FANCA: variants seen among roughly 807,000 people sequenced by gnomAD.
FANCA encodes FA complementation group A.
In FANCA, 236 loss-of-function variants were observed where a neutral mutation model predicts 194.3. The observed-to-expected ratio is 1.21, with a 90% CI of 1.09 to 1.35. FANCA has a LOEUF of 1.35. Among genes scored for constraint, FANCA ranks in the 40% most tolerant of loss-of-function variants. The pLI is 0.00. For missense variants in FANCA, 2,628 were observed against 1,813.9 expected, an observed-to-expected ratio of 1.45 and a Z score of -8.15; for synonymous variants, 1,014 against 715.8, an observed-to-expected ratio of 1.42 and a Z score of -6.65.
At chr16:89,805,463 A>G (rs1354093239) in intron 6 of FANCA, 71 bp from the exon 7 acceptor site, 13 of 1,276,062 alleles carry the variant, frequency 1.0e-5, no homozygotes, top group Non-Finnish European at 1.4e-5. Context: ...GTTGAGCCAT[A>G]TGTCCCAATT....
At chr16:89,800,371 A>AAC (rs1332905627) in intron 8 of FANCA, among the ~76,000 whole-genome samples, 2 of 152,232 alleles carry the variant, frequency 1.3e-5, no homozygotes, top group Non-Finnish European at 2.9e-5. Flanking sequence ...AACTCATGGT[A>AAC]ACAATAAAAC....
chr16:89,765,049 G>GA lies in FANCA; in HGVS notation c.2618dup (p.Arg874GlnfsTer12). 6.2e-7 allele frequency: 1 copy of GA among 1,614,138 alleles called. No homozygotes were observed. The highest frequency in any genetic ancestry group is 8.5e-7 in the Non-Finnish European group (1 of 1,180,010). ...GCTGTCGGGCCTCTGAGAACAATCT[G>GA]AACATGAGGAACTGAAACTGAAACA... On this transcript the variant is annotated frameshift_variant, in exon 28 of 43. Coordinates refer to ENST00000389301, the MANE Select transcript of FANCA (RefSeq NM_000135.4). LOFTEE classifies it high-confidence loss of function.
chr16:89,787,362 A>T (rs1329859307), intron 14 of FANCA, among the ~76,000 whole-genome samples: 1 of 152,132 alleles, frequency 6.6e-6, no homozygotes. Flanking sequence ...TCTCTACTAA[A>T]AATACAAAAA....
At position 89,759,436 on chromosome 16, in the gene FANCA, G is replaced by C. The variant is rs890054809; in HGVS notation, c.2853-731C>G. Among the ~76,000 whole-genome samples the C allele has an allele frequency of 4.6e-5, 7 of 151,352 alleles. No individual in the cohort carries two copies. The Admixed American group carries it at 4.6e-4, about 10-fold the overall frequency. On this transcript the variant is annotated intron_variant, in intron 29 of 42. Coordinates refer to ENST00000389301, the MANE Select transcript of FANCA (RefSeq NM_000135.4). ...TGAAGCAACCTGCATCCAGACTGTG[G>C]ACTCTGTGGATACGGATGGGAAGGG...
intron 22 of FANCA, 92 bp downstream of exon 22, chr16:89,773,179 C>G: frequency 1.0e-6 from 1 of 991,366 alleles, no homozygotes; most frequent in South Asian, 1.4e-5. Context: ...ACACACCAGC[C>G]TGATGTCACT....
chr16:89,738,303 G>T lies in FANCA; in HGVS notation c.*298C>A. 3.3e-6 allele frequency: 5 copies of T among 1,534,336 alleles called. No individual in the cohort carries two copies. The highest frequency in any genetic ancestry group is 4.4e-6 in the Non-Finnish European group (5 of 1,141,376). ...CCTGGACTCCGCAGTGGCTGTGTCA[G>T]CCTCACCCTTCGTGTGCACCCGCAT... On this transcript the variant is annotated 3_prime_UTR_variant, in exon 43 of 43. Transcript: ENST00000389301.
At chr16:89,812,489 A>G (rs551247825) in intron 3 of FANCA, among the ~76,000 whole-genome samples, 2 of 151,358 alleles carry the variant, frequency 1.3e-5, no homozygotes, top group East Asian at 2.0e-4. Flanking sequence ...TCTACTAAAA[A>G]TACAAAATTA....
chr16:89,742,699 T>C, intron 37 of FANCA, 101 bp downstream of exon 37: 1 of 1,290,250 alleles, frequency 7.8e-7, no homozygotes, highest in Non-Finnish European at 1.1e-6. Context: ...GCCACATATT[T>C]GTCTTTAGAA....
intron 6 of FANCA, 99 bp downstream of exon 6, chr16:89,808,195 A>T: frequency 8.9e-7 from 1 of 1,127,678 alleles, no homozygotes; most frequent in South Asian, 1.2e-5. Context: ...TATATGTCAA[A>T]GCCAGAAATC....
rs773687142 is a variant in FANCA, at chr16:89,792,484, G to C, written c.1070C>G (p.Ser357Ter). The C allele has an allele frequency of 6.2e-7, 1 of 1,613,332 alleles. No homozygotes were observed. Among genetic ancestry groups the C allele is most frequent in the Non-Finnish European group, 8.5e-7 (1 of 1,179,906 alleles). ...SFARTHPLLTSLYRRLFVMLS... is the reference protein window; with the variant it reads ...SFARTHPLLT The stretch of plus-strand genomic sequence containing the variant: ...ACATCCACTCACCCTGCGGTACAGT[G>C]AGGTGAGCAGAGGGTGTGTCCGCGC... Residue 357 changes from serine to a stop codon, truncating the protein, a stop_gained, in exon 12 of 43, where the codon TCA (serine) becomes TGA (stop). Transcript: ENST00000389301. LOFTEE classifies it high-confidence loss of function.
intron 31 of FANCA, among the ~76,000 whole-genome samples, chr16:89,751,393 G>A (rs1407786277): frequency 6.6e-6 from 1 of 152,142 alleles, no homozygotes; most frequent in Non-Finnish European, 1.5e-5. Context: ...GATTGCTTGA[G>A]CCCAGGAAGT....
chr16:89,792,120 C>A (rs550582303), intron 12 of FANCA, 52 bp from the exon 13 acceptor site: 1 of 1,609,924 alleles, frequency 6.2e-7, no homozygotes, highest in Non-Finnish European at 8.5e-7. Flanking sequence ...CAATGTGCGA[C>A]AGATGACCCC....
In FANCA at chr16:89,761,950, G is replaced by A. The variant is rs755546887; in HGVS notation, c.2851C>T (p.Arg951Trp). The part of the protein sequence containing the change: ...PEADALSDTE[R>W]QDFHQWAIHE... ...AGGGTAGCTCTTTTCAACACTTACC[G>A]TTCAGTATCTGAAAGAGCATCAGCT... is the stretch of plus-strand genomic sequence containing the variant. Residue 951 changes from arginine to tryptophan, a missense_variant and splice_region_variant, in exon 29 of 43, where the codon CGG (arginine) becomes TGG (tryptophan). Transcript: ENST00000389301. The A allele has an allele frequency of 8.7e-6, 14 of 1,613,260 alleles. No homozygotes were observed. The highest frequency in any genetic ancestry group is 5.0e-5 in the Admixed American group (3 of 59,998).
Position 89,805,904 on chromosome 16 carries a change from T to C in FANCA, c.597-512A>G, listed in dbSNP as rs144672107. ...CTTCTAAATTTATTCCTCTTTGTTT[T>C]ATGGCCTGAACCTTTTTTTTTTCTC... is the stretch of plus-strand genomic sequence containing the variant. On this transcript the variant is annotated intron_variant, in intron 6 of 42. Coordinates refer to ENST00000389301, the MANE Select transcript of FANCA (RefSeq NM_000135.4). 1.6e-4 allele frequency among the ~76,000 whole-genome samples: 24 copies of C among 152,262 alleles called. 1 individual carries two copies. The East Asian group carries it at 4.2e-3, about 27-fold the overall frequency.
In FANCA at chr16:89,816,453, C is replaced by A. The variant is rs899781533; in HGVS notation, c.79+84G>T. ...CGTCCGGGGATCCGACCGGCGGAGG[C>A]TCTGGCGGGAAGGGATCGGGGAACC... On this transcript the variant is annotated intron_variant, in intron 1 of 42. Transcript: ENST00000389301. 1.1e-5 allele frequency: 13 copies of A among 1,237,084 alleles called. No homozygotes were observed. In the African/African-American group the frequency reaches 2.1e-4, roughly 20 times the overall value. 76.6% of individuals were successfully genotyped at this position (1,237,084 alleles called of 1,614,324 possible).
Position 89,738,457 on chromosome 16 carries a change from C to T in FANCA, c.*144G>A. 4.2e-6 allele frequency: 6 copies of T among 1,417,908 alleles called. No individual in the cohort carries two copies. The highest frequency in any genetic ancestry group is 1.9e-5 in the Admixed American group (1 of 51,364). The allele number at this position is 1,417,908 out of a possible 1,614,324, so 87.8% of individuals were successfully genotyped here. ...AAACGCTGAGTGACTCGGGGCCGGA[C>T]AGTTCATAAATAATTGATTCCTTTC... On this transcript the variant is annotated 3_prime_UTR_variant, in exon 43 of 43. Coordinates refer to ENST00000389301, the MANE Select transcript of FANCA (RefSeq NM_000135.4).
At chr16:89,752,687 A>AT (rs1180942679) in intron 30 of FANCA, among the ~76,000 whole-genome samples, 1 of 152,220 alleles carries the variant, frequency 6.6e-6, no homozygotes, top group African/African-American at 2.4e-5. Flanking sequence ...ATAGGAGCTG[A>AT]GGGGATATAC....
chr16:89,741,375 T>C (rs2062129427), intron 37 of FANCA, among the ~76,000 whole-genome samples: 1 of 152,204 alleles, frequency 6.6e-6, no homozygotes, highest in Non-Finnish European at 1.5e-5. Flanking sequence ...GAAGAACCCC[T>C]GCAGGGTGGT....
chr16:89,765,094 C>A (rs554826129), intron 27 of FANCA, 28 bp from the exon 28 acceptor site: 17 of 1,608,880 alleles, frequency 1.1e-5, no homozygotes, highest in African/African-American at 2.7e-5. Flanking sequence ...CCGGCCGTTT[C>A]TTCATTGCGC....
Sources: allele counts gnomAD v4.1 joint callset (sites outside exome capture counted in the v4.1 genomes callset), GRCh38; gene constraint gnomAD v4.1.1; transcripts MANE v1.5; gene names NCBI Gene and HGNC (gene_info 2026-07-23, HGNC 2026-07-21).